Variants in CDKN3 observed in about 807,000 individuals in gnomAD.
The protein encoded by CDKN3 is cyclin dependent kinase inhibitor 3, also known as cyclin-dependent kinase inhibitor 3.
CDKN3 carries 19 observed loss-of-function variants against 36.1 expected under a neutral mutation model. The observed-to-expected ratio is 0.53, with a 90% confidence interval of 0.37 to 0.77. The LOEUF is 0.77. Among genes scored for constraint, CDKN3 ranks in the 30% least tolerant of loss-of-function variants. The pLI, the probability that CDKN3 is intolerant of heterozygous loss-of-function variation, is 0.00. For missense variants in CDKN3, 188 were observed against 248.6 expected, an observed-to-expected ratio of 0.76 and a Z score of 1.64; for synonymous variants, 71 against 85.3, an observed-to-expected ratio of 0.83 and a Z score of 0.92.
Position 54,407,282 on chromosome 14 carries a change from C to A in CDKN3, c.149-1463C>A, listed in dbSNP as rs188376492. On this transcript the variant is annotated intron_variant, in intron 3 of 7. Coordinates refer to ENST00000335183, the MANE Select transcript of CDKN3 (RefSeq NM_005192.4). ...TTCTCCTGTACGAAGTGTCTGTCGACCCCTGCTGGGAGGTGTCTCCCCGTT... is the reference window on the plus strand; with the variant it reads ...TTCTCCTGTACGAAGTGTCTGTCGAACCCTGCTGGGAGGTGTCTCCCCGTT... Among the ~76,000 whole-genome samples, 1,193 of 152,324 alleles carry A rather than the reference C, an allele frequency of 7.8e-3. 20 individuals are homozygous for A. Among genetic ancestry groups the A allele is most frequent in the African/African-American group, 0.027 (1,123 of 41,564 alleles).
At chr14:54,410,968 C>T (rs139725850) in intron 4 of CDKN3, among the ~76,000 whole-genome samples, 29 of 152,040 alleles carry the variant, frequency 1.9e-4, no homozygotes, top group East Asian at 1.9e-4. Context: ...CAACTGAGGT[C>T]GGGAGTTCAA....
At chr14:54,411,228 T>G (rs1209053370) in intron 4 of CDKN3, 2 of 464,102 alleles carry the variant, frequency 4.3e-6, no homozygotes, top group Non-Finnish European at 7.6e-6. Flanking sequence ...CAGTATTCAT[T>G]GCAAAAAAAA....
In CDKN3 at chr14:54,420,150, AACC is replaced by A; in HGVS notation, c.*77_*79del. 1.2e-6 allele frequency: 1 copy of A among 851,898 alleles called. No homozygotes were observed. The highest frequency in any genetic ancestry group is 1.6e-5 in the South Asian group (1 of 60,666). 52.8% of individuals were successfully genotyped at this position (851,898 alleles called of 1,614,324 possible). The stretch of plus-strand genomic sequence containing the variant: ...TCTAGCATAATTTGTATTGAAATGA[AACC>A]ACCAGTGTTATCAACTTGAATGTAA... On this transcript the variant is annotated 3_prime_UTR_variant, in exon 8 of 8. Transcript: ENST00000335183.
intron 3 of CDKN3, chr14:54,408,429 G>C (rs1473074274): frequency 4.1e-6 from 1 of 246,904 alleles, no homozygotes; most frequent in Non-Finnish European, 7.8e-6. Context: ...AGCCCTTCCA[G>C]ATCTGCAGTC....
At position 54,408,792 on chromosome 14, in the gene CDKN3, A is replaced by G. The variant is rs1218864638; in HGVS notation, c.193+3A>G. On this transcript the variant is annotated splice_donor_region_variant and intron_variant, in intron 4 of 7. Coordinates refer to ENST00000335183, the MANE Select transcript of CDKN3 (RefSeq NM_005192.4). ...AAGAAATGTCCAAAAAGATACAGGT[A>G]GGTATAATATCACGCAACCACACTC... The G allele has an allele frequency of 1.3e-6, 2 of 1,575,334 alleles. No homozygotes were observed. The highest frequency in any genetic ancestry group is 1.7e-6 in the Non-Finnish European group (2 of 1,166,214).
rs748114822 is a variant in CDKN3, at chr14:54,411,622, G to A, written c.332G>A (p.Gly111Glu). The A allele has an allele frequency of 1.9e-6, 3 of 1,614,034 alleles. No homozygotes were observed. Among genetic ancestry groups the A allele is most frequent in the Non-Finnish European group, 2.5e-6 (3 of 1,179,898 alleles). ...ACCCATCATCATCCAATCGCAGATG[G>A]AGGGACTCCTGACATAGCCAGCTGC... ...IITHHHPIAD[G>E]GTPDIASCCE... Residue 111 changes from glycine (G) to glutamate (E), a missense_variant, in exon 5 of 8, where the codon GGA becomes GAA. Transcript: ENST00000335183.
At chr14:54,401,486 AAACTT>A in intron 2 of CDKN3, 33 bp from the exon 3 acceptor site, 1 of 1,459,882 alleles carries the variant, frequency 6.8e-7, no homozygotes, top group Non-Finnish European at 9.6e-7. Context: ...AACTTTTTAA[AAACTT>A]AACTAAACAT....
chr14:54,405,671 T>C (rs1023785935), intron 3 of CDKN3, among the ~76,000 whole-genome samples: 1 of 152,228 alleles, frequency 6.6e-6, no homozygotes, highest in African/African-American at 2.4e-5. Flanking sequence ...CCCTTGCTTT[T>C]TTTTGCATTC....
intron 1 of CDKN3, 89 bp downstream of exon 1, chr14:54,397,166 T>C (rs1002381096): frequency 2.1e-5 from 28 of 1,325,764 alleles, no homozygotes; most frequent in South Asian, 6.8e-5. Context: ...AGGGCAGCCC[T>C]AGCCTGGTAG....
rs2030368811 is a variant in CDKN3, at chr14:54,411,871, G to A, written c.416+165G>A. ...TGGCACAATGTCTGGTACAGGGTAA[G>A]TAGTCAAATACGTGCTGTTATTACT... On this transcript the variant is annotated intron_variant, in intron 5 of 7. Transcript: ENST00000335183. 17 of 674,370 alleles carry A rather than the reference G, an allele frequency of 2.5e-5. No individual in the cohort carries two copies. In the South Asian group the frequency reaches 2.7e-4, roughly 11 times the overall value. 41.8% of individuals were successfully genotyped at this position (674,370 alleles called of 1,614,324 possible). A position where few individuals can be genotyped will look rare whatever the true frequency, so the allele number is the denominator to read the frequency against.
At chr14:54,403,341 G>A (rs1033094577) in intron 3 of CDKN3, among the ~76,000 whole-genome samples, 2 of 152,106 alleles carry the variant, frequency 1.3e-5, no homozygotes, top group Non-Finnish European at 2.9e-5. Context: ...TCATGATTTG[G>A]CTCTCCGTTT....
At chr14:54,398,064 G>A (rs1886367911) in intron 1 of CDKN3, among the ~76,000 whole-genome samples, 1 of 152,216 alleles carries the variant, frequency 6.6e-6, no homozygotes, top group Admixed American at 6.5e-5. Flanking sequence ...CCAAGAGGCA[G>A]AGGTTGCAGT....
intron 3 of CDKN3, among the ~76,000 whole-genome samples, 156 bp downstream of exon 3, chr14:54,401,735 G>A (rs2029948169): frequency 6.6e-6 from 1 of 152,118 alleles, no homozygotes; most frequent in Admixed American, 6.5e-5. Context: ...CACCAGAGCA[G>A]TATACAATGT....
chr14:54,411,298 G>C, intron 4 of CDKN3, 186 bp from the exon 5 acceptor site: 1 of 527,050 alleles, frequency 1.9e-6, no homozygotes, highest in Non-Finnish European at 3.3e-6. Context: ...ATTTTGACTT[G>C]TAATATGAGG....
intron 3 of CDKN3, among the ~76,000 whole-genome samples, chr14:54,405,686 T>C (rs1293881329): frequency 6.6e-6 from 1 of 152,234 alleles, no homozygotes; most frequent in African/African-American, 2.4e-5. Flanking sequence ...GCATTCCATT[T>C]GTTTGGTAAA....
At chr14:54,409,725 T>A (rs2030285735) in intron 4 of CDKN3, among the ~76,000 whole-genome samples, 1 of 151,736 alleles carries the variant, frequency 6.6e-6, no homozygotes, top group African/African-American at 2.4e-5. Flanking sequence ...CCCAGCAACT[T>A]GGGAGGCTGA....
At chr14:54,411,883 G>A (rs1046012585) in intron 5 of CDKN3, 177 bp downstream of exon 5, 4 of 651,728 alleles carry the variant, frequency 6.1e-6, no homozygotes, top group Admixed American at 2.4e-5. Context: ...AGTCAAATAC[G>A]TGCTGTTATT....
chr14:54,407,035 G>A (rs141464395), intron 3 of CDKN3, among the ~76,000 whole-genome samples: 6 of 152,280 alleles, frequency 3.9e-5, no homozygotes, highest in East Asian at 1.9e-4. Flanking sequence ...CTGCGTGGGC[G>A]TCCTTTCCGT....
chr14:54,399,358 A>G (rs1886409577), intron 1 of CDKN3, among the ~76,000 whole-genome samples: 1 of 152,158 alleles, frequency 6.6e-6, no homozygotes, highest in African/African-American at 2.4e-5. Context: ...AGCCTTCTCC[A>G]GCTACCTACG....
Sources: allele counts gnomAD v4.1 joint callset (sites outside exome capture counted in the v4.1 genomes callset), GRCh38; gene constraint gnomAD v4.1.1; transcripts MANE v1.5; gene names NCBI Gene and HGNC (gene_info 2026-07-23, HGNC 2026-07-21).